The following TTBK2 variants were observed in gnomAD, a reference collection of about 807,000 sequenced individuals.
The protein encoded by TTBK2 is tau-tubulin kinase 2.
TTBK2 carries 28 observed loss-of-function variants against 110.8 expected under a neutral mutation model. The observed-to-expected ratio is 0.25, with a 90% CI of 0.19 to 0.35. The LOEUF (loss-of-function observed/expected upper bound fraction) is 0.35, where lower values mean the gene tolerates loss of function less well. Among genes scored for constraint, TTBK2 ranks in the 10% least tolerant of loss-of-function variants. The pLI is 1.00. For missense variants in TTBK2, 1,369 were observed against 1,500.3 expected (o/e 0.91, Z 1.45); for synonymous variants, 532 against 527.3 (o/e 1.01, Z -0.12).
intron 11 of TTBK2, among the ~76,000 whole-genome samples, chr15:42,778,380 G>C (rs999347495): frequency 6.6e-6 from 1 of 151,326 alleles, no homozygotes; most frequent in African/African-American, 2.4e-5. Flanking sequence ...AAAACAGCAA[G>C]ATAGGCCGGG....
rs1782579071 is a variant in TTBK2 at position 42,745,247 on chromosome 15, G to C, written c.*548C>G. 6.2e-6 allele frequency: 1 copy of C among 162,152 alleles called. No individual in the cohort carries two copies. Among genetic ancestry groups the C allele is most frequent in the African/African-American group, 2.4e-5 (1 of 41,454 alleles). The allele number at this position is 162,152 out of a possible 1,614,324, so 10.0% of individuals were successfully genotyped here. On this transcript the variant is annotated 3_prime_UTR_variant, in exon 15 of 15. Coordinates refer to ENST00000267890, the MANE Select transcript of TTBK2 (RefSeq NM_173500.4). ...AATCTGAACTCCAGGGAGGGTACTA[G>C]GAATGAGGCAAAGTAAAGGTGTTCA...
In TTBK2 at chr15:42,886,714, A is replaced by G. The variant is rs1458382129; in HGVS notation, c.-67-8030T>C. ...TCTGCTGTGAGAGAAAACCCCAGCCATATCTCCAGCACACAAAAACTTCAA... is the reference window on the plus strand; with the variant it reads ...TCTGCTGTGAGAGAAAACCCCAGCCGTATCTCCAGCACACAAAAACTTCAA... On this transcript the variant is annotated intron_variant, in intron 1 of 14. Transcript: ENST00000267890. 2.6e-5 allele frequency among the ~76,000 whole-genome samples: 4 copies of G among 152,224 alleles called. No individual in the cohort carries two copies. In the East Asian group the frequency reaches 7.7e-4, roughly 29 times the overall value.
At chr15:42,774,803 T>A (rs1889828629) in intron 13 of TTBK2, among the ~76,000 whole-genome samples, 1 of 152,180 alleles carries the variant, frequency 6.6e-6, no homozygotes, top group Non-Finnish European at 1.5e-5. Flanking sequence ...CCTCAGTAAA[T>A]GTATAGTAAA....
At chr15:42,771,130 C>A (rs1466400435) in intron 13 of TTBK2, among the ~76,000 whole-genome samples, 1 of 151,972 alleles carries the variant, frequency 6.6e-6, no homozygotes, top group Non-Finnish European at 1.5e-5. Flanking sequence ...GCTGCCACCA[C>A]GCCTGGCTAG....
At chr15:42,797,231 G>T (rs1049105538) in intron 9 of TTBK2, among the ~76,000 whole-genome samples, 1 of 152,212 alleles carries the variant, frequency 6.6e-6, no homozygotes, top group African/African-American at 2.4e-5. Flanking sequence ...TAAATTCTCT[G>T]TCTGTACTGT....
intron 6 of TTBK2, among the ~76,000 whole-genome samples, chr15:42,822,117 T>C (rs1418178864): frequency 6.6e-6 from 1 of 152,236 alleles, no homozygotes; most frequent in African/African-American, 2.4e-5. Flanking sequence ...CCATTTTTAT[T>C]GTGTTGTTTT....
Position 42,775,543 on chromosome 15 carries a change from A to G in TTBK2, c.1590T>C (p.Gly530=), listed in dbSNP as rs1328571672. ...TAACAGCTATAAATCCATTGCTGCC[A>G]CCACCATCTGCCTGCTCAGGGGTGT... The part of the protein sequence containing the change: ...SANTPEQADG[G]GSNGFIAVNL... The change falls in exon 13 of 15, where the codon GGT becomes GGC. Residue 530 remains glycine, a synonymous_variant. Transcript: ENST00000267890. The G allele has an allele frequency of 6.2e-6, 10 of 1,614,076 alleles. No individual in the cohort carries two copies. The highest frequency in any genetic ancestry group is 2.7e-5 in the African/African-American group (2 of 74,918).
intron 13 of TTBK2, among the ~76,000 whole-genome samples, chr15:42,765,301 G>A (rs1304479608): frequency 6.6e-6 from 1 of 152,136 alleles, no homozygotes; most frequent in South Asian, 2.1e-4. Flanking sequence ...TCAGAAGGTC[G>A]CTAATAACAA....
chr15:42,789,849 T>A (rs1294098637), intron 10 of TTBK2, among the ~76,000 whole-genome samples: 1 of 43,452 alleles, frequency 2.3e-5, no homozygotes, highest in East Asian at 5.7e-4. Context: ...TACAAATACA[T>A]ACAATACACA....
At chr15:42,873,321 C>T (rs1488217773) in intron 2 of TTBK2, among the ~76,000 whole-genome samples, 1 of 152,084 alleles carries the variant, frequency 6.6e-6, no homozygotes, top group East Asian at 1.9e-4. Flanking sequence ...GTAATCCCAG[C>T]TACTTAGGAG....
At chr15:42,835,433 G>A (rs906004299) in intron 4 of TTBK2, among the ~76,000 whole-genome samples, 1 of 151,984 alleles carries the variant, frequency 6.6e-6, no homozygotes, top group African/African-American at 2.4e-5. Context: ...ACAACCACAG[G>A]GAAACAACCA....
chr15:42,837,763 A>T (rs1893052141), intron 4 of TTBK2, among the ~76,000 whole-genome samples: 2 of 151,822 alleles, frequency 1.3e-5, no homozygotes, highest in South Asian at 4.2e-4. Context: ...AGACCTTAAG[A>T]TTATAGTCTA....
chr15:42,900,433 A>G (rs1362512579), intron 1 of TTBK2, among the ~76,000 whole-genome samples: 2 of 152,344 alleles, frequency 1.3e-5, no homozygotes, highest in African/African-American at 4.8e-5. Flanking sequence ...AACAGTAGTT[A>G]TAGGGCTGGG....
intron 3 of TTBK2, among the ~76,000 whole-genome samples, chr15:42,870,792 T>G (rs1596005638): frequency 6.9e-6 from 1 of 145,120 alleles, no homozygotes. Context: ...ACCCCAGAGG[T>G]GGAGGCTGCA....
chr15:42,911,867 T>C (rs990828311), intron 1 of TTBK2, among the ~76,000 whole-genome samples: 1 of 152,002 alleles, frequency 6.6e-6, no homozygotes, highest in Non-Finnish European at 1.5e-5. Flanking sequence ...ACATCAGGGG[T>C]GTCCAATCTT....
At chr15:42,874,319 A>T (rs1894727559) in intron 2 of TTBK2, among the ~76,000 whole-genome samples, 1 of 150,810 alleles carries the variant, frequency 6.6e-6, no homozygotes, top group Admixed American at 6.6e-5. Flanking sequence ...TATTTTTTTT[A>T]TTTTTTTATT....
intron 9 of TTBK2, among the ~76,000 whole-genome samples, chr15:42,807,877 A>T (rs929248873): frequency 6.6e-6 from 1 of 152,196 alleles, no homozygotes; most frequent in African/African-American, 2.4e-5. Context: ...TTATGCACTT[A>T]TAGGGTTAAT....
Position 42,804,030 on chromosome 15 carries a change from A to AAAG in TTBK2, c.822+6583_822+6584insCTT, listed in dbSNP as rs1555426199. On this transcript the variant is annotated intron_variant, in intron 9 of 14. Transcript: ENST00000267890. ...GTGCAAAAAAAAAAAAAAAAAAAAA[A>AAAG]AGAGAGAGATGATTACAAGCAAATG... Among the ~76,000 whole-genome samples the AAAG allele has an allele frequency of 9.2e-3, 1,173 of 126,854 alleles. 58 individuals carry two copies. Among genetic ancestry groups the AAAG allele is most frequent in the South Asian group, 0.025 (100 of 3,964 alleles). The allele number at this position is 126,854 out of a possible 152,430, so 83.2% of individuals were successfully genotyped here. A position where few individuals can be genotyped will look rare whatever the true frequency, so the allele number is the denominator to read the frequency against.
chr15:42,811,841 T>C, intron 7 of TTBK2, 61 bp from the exon 8 acceptor site: 1 of 1,493,834 alleles, frequency 6.7e-7, no homozygotes, highest in Non-Finnish European at 9.3e-7. Context: ...CATTACATTG[T>C]TCAAGGTCTA....
Sources: gnomAD v4.1 joint callset for allele counts (sites outside exome capture counted in the v4.1 genomes callset) on GRCh38, gnomAD v4.1.1 for gene constraint, MANE v1.5 for transcripts, NCBI Gene and HGNC (gene_info 2026-07-23, HGNC 2026-07-21) for gene names.